The following GNA11 variants were observed in gnomAD, a reference collection of about 807,000 sequenced individuals.
GNA11 encodes G protein subunit alpha 11, also known as guanine nucleotide-binding protein subunit alpha-11.
GNA11 carries 8 observed loss-of-function variants against 38.2 expected under a neutral mutation model. That is an observed-to-expected ratio of 0.21 (90% CI 0.12 to 0.38). The LOEUF (loss-of-function observed/expected upper bound fraction) is 0.38. GNA11 is among the 10% of genes least tolerant of loss of function. The pLI is 1.00. For missense variants in GNA11, 268 were observed against 516.3 expected, an observed-to-expected ratio of 0.52 and a Z score of 4.66; for synonymous variants, 211 against 221.4, an observed-to-expected ratio of 0.95 and a Z score of 0.42.
chr19:3,110,521 G>T lies in GNA11; in HGVS notation c.321+188G>T, dbSNP rs1390801201. Among the ~76,000 whole-genome samples the T allele has an allele frequency of 6.6e-6, 1 of 152,200 alleles. No homozygotes were observed. The highest frequency in any genetic ancestry group is 1.5e-5 in the Non-Finnish European group (1 of 68,040). ...CCGCTGACTTCCTGGGGGCCAACTG[G>T]AGAGTTGTGATGGGCATTGCGTGGC... is the stretch of plus-strand genomic sequence containing the variant. On this transcript the variant is annotated intron_variant, in intron 2 of 6. Transcript: ENST00000078429. This position sits in a 1 kb window ranked among gnomAD's most constrained non-coding sequence, Gnocchi z 5.4.
In GNA11 at chr19:3,123,794, A is replaced by G. The variant is rs1827691730; in HGVS notation, c.*2615A>G. On this transcript the variant is annotated 3_prime_UTR_variant, in exon 7 of 7. Coordinates refer to ENST00000078429, the MANE Select transcript of GNA11 (RefSeq NM_002067.5). ...TAATCTATTTAAAAAAGAATATTCT[A>G]TACAAGCTGTTTTTAAGCCTTTTAC... The G allele has an allele frequency of 4.3e-6, 1 of 231,824 alleles. No individual in the cohort carries two copies. Among genetic ancestry groups the G allele is most frequent in the African/African-American group, 2.2e-5 (1 of 45,214 alleles). 14.4% of individuals were successfully genotyped at this position (231,824 alleles called of 1,614,324 possible).
intron 1 of GNA11, among the ~76,000 whole-genome samples, chr19:3,104,135 C>A (rs756136797): frequency 6.6e-6 from 1 of 152,256 alleles, no homozygotes; most frequent in Admixed American, 6.5e-5. Flanking sequence ...TCTTGAGCAT[C>A]GGATGAGCCC....
At chr19:3,109,793 G>A (rs998312992) in intron 1 of GNA11, among the ~76,000 whole-genome samples, 2 of 152,260 alleles carry the variant, frequency 1.3e-5, no homozygotes, top group Non-Finnish European at 2.9e-5. Flanking sequence ...TGACCGTGGT[G>A]GAGCTGCACA....
At chr19:3,095,656 T>C (rs1913345912) in intron 1 of GNA11, among the ~76,000 whole-genome samples, 1 of 151,982 alleles carries the variant, frequency 6.6e-6, no homozygotes, top group African/African-American at 2.4e-5. Context: ...AAAAAGACAG[T>C]CTTTCCTCTC....
chr19:3,114,779 T>C (rs1913864601), intron 3 of GNA11, among the ~76,000 whole-genome samples, 165 bp from the exon 4 acceptor site: 1 of 152,166 alleles, frequency 6.6e-6, no homozygotes, highest in Non-Finnish European at 1.5e-5. Flanking sequence ...AGGGTCTCCA[T>C]TGGCCCGAGC....
chr19:3,105,824 G>A (rs1044009570), intron 1 of GNA11, among the ~76,000 whole-genome samples: 4 of 152,186 alleles, frequency 2.6e-5, no homozygotes, highest in Admixed American at 1.3e-4. Context: ...TGGCTTTTAC[G>A]AGTAAAGCTG....
chr19:3,103,775 C>T (rs1449258238), intron 1 of GNA11, among the ~76,000 whole-genome samples: 1 of 151,554 alleles, frequency 6.6e-6, no homozygotes, highest in Non-Finnish European at 1.5e-5. Flanking sequence ...ACGATCTCAG[C>T]TCACCACAAG....
chr19:3,105,260 C>A (rs1913612379), intron 1 of GNA11, among the ~76,000 whole-genome samples: 1 of 152,204 alleles, frequency 6.6e-6, no homozygotes. Flanking sequence ...GTTCTCTTTT[C>A]CTAACATTTT....
intron 3 of GNA11, among the ~76,000 whole-genome samples, chr19:3,113,890 C>G (rs385443): frequency 0.49 from 73,787 of 152,086 alleles, 18,186 homozygotes; most frequent in Non-Finnish European, 0.55. Flanking sequence ...GTCCCCAGAG[C>G]CACGTCTCCC....
chr19:3,114,605 C>G (rs1303317077), intron 3 of GNA11, among the ~76,000 whole-genome samples: 1 of 152,182 alleles, frequency 6.6e-6, no homozygotes, highest in African/African-American at 2.4e-5. Context: ...GTCCCCTGCC[C>G]TGGGTCACCG....
intron 1 of GNA11, among the ~76,000 whole-genome samples, chr19:3,097,088 G>A (rs1913390015): frequency 1.3e-5 from 2 of 152,294 alleles, no homozygotes; most frequent in Middle Eastern, 6.8e-3. Context: ...CTGCCTGCTT[G>A]TGGGAACTCA....
Position 3,110,421 on chromosome 19 carries a change from C to T in GNA11, c.321+88C>T. On this transcript the variant is annotated intron_variant, in intron 2 of 6. Coordinates refer to ENST00000078429, the MANE Select transcript of GNA11 (RefSeq NM_002067.5). The surrounding 1 kb of genome is among the most constrained non-coding windows in gnomAD (Gnocchi z 5.4). ...GGTGGCCGCGCTGCCAGGGTGGGGC[C>T]ATGCCGGGGGTCCCGGCCGGCCCAG... The T allele has an allele frequency of 8.9e-7, 1 of 1,117,586 alleles. No homozygotes were observed. The highest frequency in any genetic ancestry group is 2.1e-5 in the Admixed American group (1 of 47,580). 69.2% of individuals were successfully genotyped at this position (1,117,586 alleles called of 1,614,324 possible). A position where few individuals can be genotyped will look rare whatever the true frequency, so the allele number is the denominator to read the frequency against.
intron 2 of GNA11, 132 bp from the exon 3 acceptor site, chr19:3,113,198 A>T: frequency 1.3e-6 from 1 of 779,304 alleles, no homozygotes; most frequent in Non-Finnish European, 2.2e-6. Context: ...CGGAACTGTC[A>T]GTGGTCCTGA....
chr19:3,112,504 G>C (rs1186460811), intron 2 of GNA11, among the ~76,000 whole-genome samples: 1 of 152,234 alleles, frequency 6.6e-6, no homozygotes. Flanking sequence ...TGCGCCCCGG[G>C]GACGGGGACA....
chr19:3,094,470 AGCGGGGACCCGGCGGCTCGCCAG>A lies in GNA11; in HGVS notation c.-177_-155del, dbSNP rs1282339236. ...GGGAGTCCGCGGCTGGCGCGGCCCG[AGCGGGGACCCGGCGGCTCGCCAG>A]GCGGCGGCCGAGGCGGGGCGGGCCG... On this transcript the variant is annotated 5_prime_UTR_variant, in exon 1 of 7. Coordinates refer to ENST00000078429, the MANE Select transcript of GNA11 (RefSeq NM_002067.5). The surrounding 1 kb of genome is among the most constrained non-coding windows in gnomAD (Gnocchi z 6.0). 7.0e-6 allele frequency: 1 copy of A among 143,668 alleles called. No individual in the cohort carries two copies. The highest frequency in any genetic ancestry group is 1.5e-5 in the Non-Finnish European group (1 of 65,370). The allele number at this position is 143,668 out of a possible 1,614,324, so 8.9% of individuals were successfully genotyped here.
At chr19:3,098,290 G>A (rs1004692518) in intron 1 of GNA11, among the ~76,000 whole-genome samples, 3 of 152,224 alleles carry the variant, frequency 2.0e-5, no homozygotes, top group Non-Finnish European at 2.9e-5. Flanking sequence ...TCCCGCCTCC[G>A]TCCGCGCCGC....
In GNA11 at chr19:3,108,370, G is replaced by A. The variant is rs1016243908; in HGVS notation, c.137-1779G>A. Among the ~76,000 whole-genome samples, 2 of 152,216 alleles carry A rather than the reference G, an allele frequency of 1.3e-5. No individual in the cohort carries two copies. The highest frequency in any genetic ancestry group is 6.5e-5 in the Admixed American group (1 of 15,288). ...GGCTTGGGGGCTTTCTAGAGCAGAGGCTGTGAGAGGAAGTGAGCTGGGTCC... is the reference window on the plus strand; with the variant it reads ...GGCTTGGGGGCTTTCTAGAGCAGAGACTGTGAGAGGAAGTGAGCTGGGTCC... On this transcript the variant is annotated intron_variant, in intron 1 of 6. Coordinates refer to ENST00000078429, the MANE Select transcript of GNA11 (RefSeq NM_002067.5). The surrounding 1 kb of genome is among the most constrained non-coding windows in gnomAD (Gnocchi z 4.5).
At chr19:3,115,729 A>G (rs1179714469) in intron 4 of GNA11, among the ~76,000 whole-genome samples, 1 of 101,196 alleles carries the variant, frequency 9.9e-6, no homozygotes, top group Non-Finnish European at 1.9e-5. Context: ...GAGGGGGCTC[A>G]TGGGGACCGA....
intron 1 of GNA11, among the ~76,000 whole-genome samples, chr19:3,102,920 C>T (rs1913540609): frequency 2.0e-5 from 3 of 152,258 alleles, no homozygotes; most frequent in Non-Finnish European, 4.4e-5. Context: ...CCCGCCTTCT[C>T]ATGGGTGCTG....
Sources: gnomAD v4.1 joint callset for allele counts (sites outside exome capture counted in the v4.1 genomes callset) on GRCh38, gnomAD v4.1.1 for gene constraint, Gnocchi (gnomAD v3.1) non-coding constraint, MANE v1.5 for transcripts, NCBI Gene and HGNC (gene_info 2026-07-23, HGNC 2026-07-21) for gene names.